PSMA1: variants seen among roughly 807,000 people sequenced by gnomAD.
PSMA1 encodes proteasome 20S subunit alpha 1.
In PSMA1, 3 loss-of-function variants were observed where a neutral mutation model predicts 38.4. That is an observed-to-expected ratio of 0.08 (90% confidence interval 0.04 to 0.20). PSMA1 has a LOEUF of 0.20. Among genes scored for constraint, PSMA1 ranks in the 10% least tolerant of loss-of-function variants. PSMA1 has a pLI of 1.00. For missense variants in PSMA1, 227 were observed against 325.3 expected, an observed-to-expected ratio of 0.70 and a Z score of 2.32; for synonymous variants, 101 against 107.1, an observed-to-expected ratio of 0.94 and a Z score of 0.35.
chr11:14,551,832 G>A (rs1023955145), intron 2 of PSMA1, among the ~76,000 whole-genome samples: 3 of 152,204 alleles, frequency 2.0e-5, no homozygotes, highest in Admixed American at 6.5e-5. Flanking sequence ...ACCCATTGCT[G>A]TGACATTTAT....
chr11:14,632,003 G>A (rs1210665534), intron 1 of PSMA1, among the ~76,000 whole-genome samples: 1 of 139,998 alleles, frequency 7.1e-6, no homozygotes, highest in Non-Finnish European at 1.5e-5. Flanking sequence ...GCCTTTTTTT[G>A]TTTTCCATTG....
At chr11:14,525,106 A>AT (rs2134156000), upstream of PSMA1, among the ~76,000 whole-genome samples, 1 of 152,106 alleles carries the variant, frequency 6.6e-6, no homozygotes, top group East Asian at 1.9e-4. Context: ...TGTTGTGGGT[A>AT]TTGACGGCCA....
At chr11:14,619,670 G>C (rs1311782740) in intron 1 of PSMA1, among the ~76,000 whole-genome samples, 1 of 152,034 alleles carries the variant, frequency 6.6e-6, no homozygotes, top group African/African-American at 2.4e-5. Flanking sequence ...CAGTATAACA[G>C]GAGCAAGAGT....
chr11:14,570,535 C>T (rs1456290647), intron 2 of PSMA1, among the ~76,000 whole-genome samples: 1 of 152,134 alleles, frequency 6.6e-6, no homozygotes, highest in Non-Finnish European at 1.5e-5. Flanking sequence ...CCTGATGGAG[C>T]TGAAAGCTAT....
At chr11:14,535,160 T>TG (rs1261215421) in intron 2 of PSMA1, among the ~76,000 whole-genome samples, 3 of 16,890 alleles carry the variant, frequency 1.8e-4, no homozygotes, top group Non-Finnish European at 3.2e-4. Flanking sequence ...GAAGCTAAGG[T>TG]TTTTTTTTTT....
At chr11:14,633,473 C>G (rs1440091254) in intron 1 of PSMA1, among the ~76,000 whole-genome samples, 1 of 151,774 alleles carries the variant, frequency 6.6e-6, no homozygotes, top group African/African-American at 2.4e-5. Flanking sequence ...CAGGGACCCA[C>G]TTGAGGAGGC....
chr11:14,633,316 G>A (rs1853058862), intron 1 of PSMA1, among the ~76,000 whole-genome samples: 2 of 152,122 alleles, frequency 1.3e-5, no homozygotes, highest in African/African-American at 4.8e-5. Flanking sequence ...ATGGGTTTTT[G>A]GTGTGGATGT....
intron 2 of PSMA1, among the ~76,000 whole-genome samples, chr11:14,529,486 C>T (rs1323734214): frequency 6.6e-6 from 1 of 152,182 alleles, no homozygotes; most frequent in Non-Finnish European, 1.5e-5. Context: ...ATCGCCACCA[C>T]ATCTGCCCCC....
intron 1 of PSMA1, among the ~76,000 whole-genome samples, chr11:14,617,095 G>A (rs1327490083): frequency 6.6e-6 from 1 of 152,310 alleles, no homozygotes; most frequent in East Asian, 1.9e-4. Flanking sequence ...TGCTGAGAGT[G>A]GGTGTGGAGG....
chr11:14,540,790 T>A (rs1472844496), intron 2 of PSMA1, among the ~76,000 whole-genome samples: 1 of 152,142 alleles, frequency 6.6e-6, no homozygotes, highest in Non-Finnish European at 1.5e-5. Context: ...GAATTTTACT[T>A]CCCCTGTCAT....
At chr11:14,559,961 A>G (rs1219214662) in intron 2 of PSMA1, among the ~76,000 whole-genome samples, 1 of 152,136 alleles carries the variant, frequency 6.6e-6, no homozygotes, top group East Asian at 1.9e-4. Context: ...CTCTTGGCCA[A>G]TCCTACAGGG....
At chr11:14,637,806 T>A (rs760112346) in intron 1 of PSMA1, among the ~76,000 whole-genome samples, 4 of 152,230 alleles carry the variant, frequency 2.6e-5, no homozygotes, top group Non-Finnish European at 5.9e-5. Context: ...GAAAGAGAGC[T>A]ATTTACTTGA....
chr11:14,518,483 A>G (rs1233498618), intron 2 of PSMA1, among the ~76,000 whole-genome samples: 1 of 152,218 alleles, frequency 6.6e-6, no homozygotes, highest in Non-Finnish European at 1.5e-5. Context: ...TAGTAGGGTC[A>G]CTATCGCAGA....
intron 1 of PSMA1, among the ~76,000 whole-genome samples, chr11:14,615,113 A>G (rs1263742864): frequency 2.6e-5 from 4 of 152,226 alleles, no homozygotes. Context: ...TATATCTATG[A>G]GATATTGACA....
intron 2 of PSMA1, among the ~76,000 whole-genome samples, chr11:14,596,642 G>C (rs1852498408): frequency 6.6e-6 from 1 of 152,190 alleles, no homozygotes; most frequent in South Asian, 2.1e-4. Context: ...AGGAGATTTT[G>C]GGCTGAGACG....
intron 2 of PSMA1, among the ~76,000 whole-genome samples, chr11:14,559,094 C>T (rs1240688473): frequency 2.0e-5 from 3 of 152,068 alleles, no homozygotes; most frequent in African/African-American, 7.2e-5. Flanking sequence ...TATAGCCTAC[C>T]TTTACTTAAG....
chr11:14,553,791 A>G (rs995604679), intron 2 of PSMA1, among the ~76,000 whole-genome samples: 5 of 152,168 alleles, frequency 3.3e-5, no homozygotes, highest in Non-Finnish European at 7.4e-5. Flanking sequence ...ATTCTTGTAT[A>G]GGTTTTTGTG....
intron 9 of PSMA1, among the ~76,000 whole-genome samples, 162 bp from the exon 10 acceptor site, chr11:14,505,410 AT>A (rs1242715962): frequency 6.6e-6 from 1 of 152,016 alleles, no homozygotes; most frequent in Non-Finnish European, 1.5e-5. Context: ...TCTGAGCAGT[AT>A]TTTTTTTCTC....
Position 14,629,335 on chromosome 11 carries a change from G to A in PSMA1, c.-166+14120C>T, listed in dbSNP as rs1383643135. 9.5e-4 allele frequency among the ~76,000 whole-genome samples: 145 copies of A among 152,202 alleles called. 1 individual carries two copies. Among genetic ancestry groups the A allele is most frequent in the Non-Finnish European group, 3.5e-4 (24 of 68,008 alleles). On this transcript the variant is annotated intron_variant, in intron 1 of 10. Transcript: ENST00000418988. ...TTAAGTCTTTAATCCATCTTGAATT[G>A]ATTTTTATATAAGGTGTAAGGAAGG...
Sources: allele counts gnomAD v4.1 joint callset (sites outside exome capture counted in the v4.1 genomes callset), GRCh38; gene constraint gnomAD v4.1.1; transcripts MANE v1.5; gene names NCBI Gene and HGNC (gene_info 2026-07-23, HGNC 2026-07-21).